Variants in DISC1 observed in about 807,000 individuals in gnomAD.
The protein encoded by DISC1 is disrupted in schizophrenia 1 protein.
In DISC1, 57 loss-of-function variants were observed where a neutral mutation model predicts 84.5. The observed-to-expected ratio is 0.67, with a 90% confidence interval of 0.55 to 0.84. DISC1 has a LOEUF of 0.84. Among genes scored for constraint, DISC1 ranks in the 40% least tolerant of loss-of-function variants. The pLI is 0.00. For missense variants in DISC1, 1,000 were observed against 1,057.8 expected (o/e 0.95, Z 0.76); for synonymous variants, 411 against 415.2 (o/e 0.99, Z 0.12).
rs142509981 is a variant in DISC1, at chr1:231,715,870, G to T, written c.1117+13846G>T. Among the ~76,000 whole-genome samples the T allele has an allele frequency of 3.5e-4, 53 of 152,286 alleles. 1 individual carries two copies. In the East Asian group the frequency reaches 9.6e-3, roughly 28 times the overall value. On this transcript the variant is annotated intron_variant, in intron 3 of 12. Coordinates refer to ENST00000439617, the MANE Select transcript of DISC1 (RefSeq NM_018662.3). ...CGTGAAATGTTTAGTAACTGTCTCT[G>T]TACCTCTGGATGAGGACAGCTCAGC...
chr1:232,005,728 A>G (rs1342368717), intron 10 of DISC1, among the ~76,000 whole-genome samples: 2 of 152,184 alleles, frequency 1.3e-5, no homozygotes, highest in African/African-American at 4.8e-5. Flanking sequence ...AGGGAACATG[A>G]TGGAGAATTT....
chr1:231,942,468 C>T (rs2091407731), intron 9 of DISC1, among the ~76,000 whole-genome samples: 1 of 152,138 alleles, frequency 6.6e-6, no homozygotes, highest in Non-Finnish European at 1.5e-5. Flanking sequence ...AGTTTGAGAC[C>T]ACCGTGGCTA....
chr1:231,891,691 G>A (rs2087231741), intron 9 of DISC1, among the ~76,000 whole-genome samples: 1 of 152,152 alleles, frequency 6.6e-6, no homozygotes, highest in Non-Finnish European at 1.5e-5. Flanking sequence ...GTTGTTGGGT[G>A]GTGTGGGCGT....
chr1:231,734,479 G>A (rs200952732), intron 3 of DISC1, among the ~76,000 whole-genome samples: 185 of 76,914 alleles, frequency 2.4e-3, no homozygotes, highest in African/African-American at 5.8e-3. Flanking sequence ...TTGGCATCAC[G>A]TGCTCTCTCT....
intron 10 of DISC1, among the ~76,000 whole-genome samples, chr1:231,965,702 GT>G (rs1363368002): frequency 1.3e-5 from 2 of 152,236 alleles, no homozygotes; most frequent in African/African-American, 4.8e-5. Context: ...TCTGCACCAG[GT>G]GACTGATGCT....
chr1:231,919,998 A>G (rs2089896981), intron 9 of DISC1, among the ~76,000 whole-genome samples: 1 of 152,104 alleles, frequency 6.6e-6, no homozygotes, highest in African/African-American at 2.4e-5. Flanking sequence ...GACGTTTTAG[A>G]CCAGACACCT....
chr1:231,822,570 A>G (rs2081571328), intron 9 of DISC1, among the ~76,000 whole-genome samples: 1 of 152,188 alleles, frequency 6.6e-6, no homozygotes, highest in South Asian at 2.1e-4. Flanking sequence ...GTTCGCAATG[A>G]CAAGATCCTG....
intron 1 of DISC1, among the ~76,000 whole-genome samples, chr1:231,666,157 C>T (rs187324647): frequency 6.6e-6 from 1 of 151,690 alleles, no homozygotes; most frequent in East Asian, 1.9e-4. Context: ...TTTTTTTTGG[C>T]ACCCACATCA....
At chr1:231,818,241 G>A in intron 8 of DISC1, 88 bp from the exon 9 acceptor site, 1 of 1,326,102 alleles carries the variant, frequency 7.5e-7, no homozygotes, top group South Asian at 1.2e-5. Flanking sequence ...CCCATGCTGT[G>A]AATGTACATT....
chr1:231,994,520 A>G (rs1354731131), intron 10 of DISC1, among the ~76,000 whole-genome samples: 2 of 152,246 alleles, frequency 1.3e-5, no homozygotes, highest in African/African-American at 4.8e-5. Flanking sequence ...TAGGAATGTC[A>G]AAAGAGTAAA....
At chr1:231,720,990 A>G (rs202228560) in intron 3 of DISC1, 143 of 1,290,856 alleles carry the variant, frequency 1.1e-4, no homozygotes, top group Non-Finnish European at 1.4e-4. Context: ...GTGAACAGCA[A>G]CTGTGGATAC....
intron 3 of DISC1, among the ~76,000 whole-genome samples, chr1:231,726,176 A>G (rs768195473): frequency 2.0e-5 from 3 of 152,204 alleles, no homozygotes; most frequent in African/African-American, 2.4e-5. Context: ...TTTCCATGTT[A>G]TGAACCAAGT....
intron 9 of DISC1, among the ~76,000 whole-genome samples, chr1:231,928,251 A>G (rs191963757): frequency 1.3e-5 from 2 of 152,306 alleles, no homozygotes; most frequent in African/African-American, 2.4e-5. Context: ...ATGACATGAT[A>G]TTTAAACAAA....
chr1:232,022,218 G>A lies in DISC1; in HGVS notation c.2308-4217G>A, dbSNP rs765503340. Among the ~76,000 whole-genome samples the A allele has an allele frequency of 7.9e-4, 120 of 152,148 alleles. 1 individual carries two copies. The highest frequency in any genetic ancestry group is 1.4e-3 in the Non-Finnish European group (93 of 68,020). Reference sequence around the variant, plus strand: ...CTACACTCTGCCATACCTGGGCATGGCATGGAAATGGCCAAGGAAGTTTTG... The same window carrying A: ...CTACACTCTGCCATACCTGGGCATGACATGGAAATGGCCAAGGAAGTTTTG... On this transcript the variant is annotated intron_variant, in intron 11 of 12. Transcript: ENST00000439617.
At chr1:232,016,908 C>G (rs1032470707) in intron 11 of DISC1, among the ~76,000 whole-genome samples, 3 of 152,112 alleles carry the variant, frequency 2.0e-5, no homozygotes, top group Admixed American at 1.3e-4. Context: ...ATACTCGTAT[C>G]AGATAGAGTA....
At chr1:231,801,928 C>T (rs1299033978) in intron 8 of DISC1, among the ~76,000 whole-genome samples, 1 of 151,116 alleles carries the variant, frequency 6.6e-6, no homozygotes, top group East Asian at 2.0e-4. Flanking sequence ...ATACCATTTT[C>T]CTGCCTCAGC....
intron 6 of DISC1, among the ~76,000 whole-genome samples, chr1:231,789,228 C>T (rs1417930946): frequency 2.0e-5 from 3 of 152,022 alleles, no homozygotes; most frequent in East Asian, 3.9e-4. Flanking sequence ...GGGGGTTGGC[C>T]CATTATGTGT....
rs905909347 is a variant in DISC1, at chr1:231,951,481, A to G, written c.1982-7347A>G. ...GTGCAACTGCTGTTTTGGATTATCC[A>G]TGCCTCCTCCTGCATCAGCTAGCAT... On this transcript the variant is annotated intron_variant, in intron 9 of 12. Coordinates refer to ENST00000439617, the MANE Select transcript of DISC1 (RefSeq NM_018662.3). Among the ~76,000 whole-genome samples, 5 of 152,208 alleles carry G rather than the reference A, an allele frequency of 3.3e-5. 1 individual carries two copies. The highest frequency in any genetic ancestry group is 1.2e-4 in the African/African-American group (5 of 41,460).
intron 3 of DISC1, 63 bp from the exon 4 acceptor site, chr1:231,749,863 G>A (rs188733872): frequency 3.6e-5 from 57 of 1,605,552 alleles, no homozygotes; most frequent in Middle Eastern, 1.7e-4. Context: ...AAGAGACACC[G>A]GGGTTATCTA....
Sources: allele counts gnomAD v4.1 joint callset (sites outside exome capture counted in the v4.1 genomes callset), GRCh38; gene constraint gnomAD v4.1.1; transcripts MANE v1.5; gene names NCBI Gene and HGNC (gene_info 2026-07-23, HGNC 2026-07-21).